PEPD: variants seen among roughly 807,000 people sequenced by gnomAD.
PEPD encodes the protein peptidase D.
Under a neutral mutation model 60.7 loss-of-function variants are expected in PEPD, and 53 were observed. The ratio of observed to expected loss-of-function variants is 0.87; its 90% CI spans 0.70 to 1.10. The LOEUF (loss-of-function observed/expected upper bound fraction) is 1.10, where lower values mean the gene tolerates loss of function less well. PEPD is among the 50% of genes least tolerant of loss of function. PEPD has a pLI of 0.00. For missense variants in PEPD, 711 were observed against 711.9 expected (o/e 1.00, Z 0.01); for synonymous variants, 267 against 284.1 (o/e 0.94, Z 0.60).
Position 33,391,441 on chromosome 19 carries a change from T to C in PEPD, c.1006A>G (p.Ile336Val), listed in dbSNP as rs1968218338. 1 of 1,559,464 alleles carries C rather than the reference T, an allele frequency of 6.4e-7. No homozygotes were observed. Among genetic ancestry groups the C allele is most frequent in the East Asian group, 2.4e-5 (1 of 41,728 alleles). The change falls in exon 13 of 15, where the codon ATC becomes GTC. Residue 336 changes from isoleucine (I) to valine (V), a missense_variant. Coordinates refer to ENST00000244137, the MANE Select transcript of PEPD (RefSeq NM_000285.4). ...WPDMHRLADR[I>V]HLEELAHMGI... ...ATGTGGGCCAGCTCCTCCAGGTGGA[T>C]GCGGTCAGCCAGGCGGTGCATGTCA...
chr19:33,493,360 C>A (rs537462679), intron 4 of PEPD, 23 bp from the exon 5 acceptor site: 1 of 1,588,474 alleles, frequency 6.3e-7, no homozygotes, highest in African/African-American at 1.3e-5. Context: ...AAAGAAAAAC[C>A]CACTTTAGAG....
intron 3 of PEPD, among the ~76,000 whole-genome samples, chr19:33,504,527 G>T (rs1163540671): frequency 6.6e-6 from 1 of 152,232 alleles, no homozygotes; most frequent in Non-Finnish European, 1.5e-5. Flanking sequence ...ACTTTGGAAG[G>T]CCAAGGTGGG....
intron 11 of PEPD, among the ~76,000 whole-genome samples, chr19:33,407,702 A>T (rs1968663111): frequency 6.6e-6 from 1 of 152,250 alleles, no homozygotes; most frequent in Admixed American, 6.5e-5. Context: ...CCCCTCTGGT[A>T]CAGTGACTTG....
chr19:33,504,494 T>G (rs1970764017), intron 3 of PEPD, among the ~76,000 whole-genome samples: 1 of 152,234 alleles, frequency 6.6e-6, no homozygotes, highest in Non-Finnish European at 1.5e-5. Context: ...CCGGGCACCG[T>G]GGCTCACGCC....
intron 9 of PEPD, among the ~76,000 whole-genome samples, chr19:33,434,613 C>T (rs974732106): frequency 4.0e-5 from 6 of 151,862 alleles, no homozygotes; most frequent in African/African-American, 1.2e-4. Context: ...ATCTGGCCTC[C>T]CTTGGTCTCG....
At position 33,501,003 on chromosome 19, in the gene PEPD, T is replaced by C. The variant is rs2145335406; in HGVS notation, c.330-2A>G. The stretch of plus-strand genomic sequence containing the variant: ...TTGAAGTGCTCCTTGGAATGGATCC[T>C]CAAAGAAAAGCACAAGGAATATCAG... On this transcript the variant is annotated splice_acceptor_variant, in intron 3 of 14. Coordinates refer to ENST00000244137, the MANE Select transcript of PEPD (RefSeq NM_000285.4). LOFTEE classifies it high-confidence loss of function. 2.5e-6 allele frequency: 4 copies of C among 1,582,400 alleles called. No homozygotes were observed. The highest frequency in any genetic ancestry group is 3.5e-6 in the Non-Finnish European group (4 of 1,151,128).
chr19:33,465,010 T>C (rs1383854449), intron 7 of PEPD, among the ~76,000 whole-genome samples: 2 of 152,278 alleles, frequency 1.3e-5, no homozygotes, highest in East Asian at 3.9e-4. Context: ...CCCAGCGGTG[T>C]GGCCAAGATC....
At chr19:33,469,411 G>A (rs751660364) in intron 7 of PEPD, among the ~76,000 whole-genome samples, 4 of 152,124 alleles carry the variant, frequency 2.6e-5, no homozygotes, top group African/African-American at 9.7e-5. Flanking sequence ...TCAACTTCCC[G>A]CACCTTCCGA....
chr19:33,404,495 A>T lies in PEPD; in HGVS notation c.819-2626T>A, dbSNP rs149137658. ...AACAACAACCAGGAAGCCCACAAGA[A>T]TACCCCGAACAATGAAATCATCTAG... On this transcript the variant is annotated intron_variant, in intron 11 of 14. Coordinates refer to ENST00000244137, the MANE Select transcript of PEPD (RefSeq NM_000285.4). Among the ~76,000 whole-genome samples the T allele has an allele frequency of 1.7e-3, 263 of 152,312 alleles. 1 individual carries two copies. The highest frequency in any genetic ancestry group is 6.2e-3 in the African/African-American group (257 of 41,564).
chr19:33,456,791 T>TG (rs1410668394), intron 9 of PEPD, among the ~76,000 whole-genome samples: 8 of 152,080 alleles, frequency 5.3e-5, no homozygotes, highest in Non-Finnish European at 1.0e-4. Flanking sequence ...GCACCCTTTG[T>TG]GGGGGTGGCT....
At position 33,490,039 on chromosome 19, in the gene PEPD, T is replaced by C. The variant is rs1283052512; in HGVS notation, c.460A>G (p.Ser154Gly). 10 of 1,612,570 alleles carry C rather than the reference T, an allele frequency of 6.2e-6. No homozygotes were observed. Among genetic ancestry groups the C allele is most frequent in the Non-Finnish European group, 8.5e-6 (10 of 1,179,052 alleles). The change falls in exon 6 of 15, where the codon AGC becomes GGC. Residue 154 changes from serine (S) to glycine (G), a missense_variant. By Grantham distance (56) the Ser-to-Gly change is moderately conservative. Coordinates refer to ENST00000244137, the MANE Select transcript of PEPD (RefSeq NM_000285.4). ...GAGGCCTCCCTGCAGACACTGCCGC[T>C]GTCCGTGTTGACGCCACGCTGGGGA... The part of the protein sequence containing the change: ...LLTLRGVNTD[S>G]GSVCREASFD...
chr19:33,407,681 G>A (rs186008417), intron 11 of PEPD, among the ~76,000 whole-genome samples: 2 of 152,350 alleles, frequency 1.3e-5, no homozygotes, highest in African/African-American at 2.4e-5. Context: ...AACAAAAAAA[G>A]CAGCGAATGG....
chr19:33,447,437 C>A (rs1969613691), intron 9 of PEPD, among the ~76,000 whole-genome samples: 1 of 152,236 alleles, frequency 6.6e-6, no homozygotes, highest in African/African-American at 2.4e-5. Flanking sequence ...CCCGCTGTCC[C>A]CCTGCCAAGT....
At chr19:33,439,906 T>C (rs1969452088) in intron 9 of PEPD, among the ~76,000 whole-genome samples, 1 of 152,162 alleles carries the variant, frequency 6.6e-6, no homozygotes, top group Non-Finnish European at 1.5e-5. Context: ...TTTGTAGAGA[T>C]GGGGTCTTCC....
intron 10 of PEPD, among the ~76,000 whole-genome samples, chr19:33,413,108 C>T (rs1293000442): frequency 6.6e-6 from 1 of 152,234 alleles, no homozygotes; most frequent in Non-Finnish European, 1.5e-5. Flanking sequence ...CACCCACATA[C>T]AGCAGCACTG....
At chr19:33,510,273 G>C (rs1050749522) in intron 3 of PEPD, among the ~76,000 whole-genome samples, 6 of 152,216 alleles carry the variant, frequency 3.9e-5, no homozygotes, top group African/African-American at 1.2e-4. Flanking sequence ...GACACACGTG[G>C]AGTGGTTTTA....
chr19:33,462,173 T>C (rs972603358), intron 9 of PEPD, among the ~76,000 whole-genome samples: 2 of 152,118 alleles, frequency 1.3e-5, no homozygotes, highest in Admixed American at 1.3e-4. Flanking sequence ...CCTGAGGACA[T>C]CTGGGGTGGA....
intron 7 of PEPD, among the ~76,000 whole-genome samples, chr19:33,476,477 A>G (rs76606650): frequency 0.012 from 1,776 of 151,828 alleles, 27 homozygotes; most frequent in South Asian, 0.071. Flanking sequence ...TCTGCCCTTC[A>G]CTCACGCATC....
At chr19:33,449,061 G>A (rs1200954887) in intron 9 of PEPD, among the ~76,000 whole-genome samples, 1 of 152,224 alleles carries the variant, frequency 6.6e-6, no homozygotes, top group Non-Finnish European at 1.5e-5. Context: ...CCCAGAGGCT[G>A]CAGTCCACTC....
Sources: allele counts gnomAD v4.1 joint callset (sites outside exome capture counted in the v4.1 genomes callset), GRCh38; gene constraint gnomAD v4.1.1; transcripts MANE v1.5; gene names NCBI Gene and HGNC (gene_info 2026-07-23, HGNC 2026-07-21).